The following COQ8A variants were observed in gnomAD, a reference collection of about 807,000 sequenced individuals.
COQ8A encodes coenzyme Q8A.
A neutral mutation model predicts 65.0 loss-of-function variants in COQ8A; 51 were observed. The ratio of observed to expected loss-of-function variants is 0.78; its 90% confidence interval spans 0.63 to 0.99. COQ8A has a LOEUF of 0.99. Ranked by LOEUF, COQ8A falls within the 50% of genes least tolerant of loss-of-function variation. The pLI, the probability that COQ8A is intolerant of heterozygous loss-of-function variation, is 0.00. For synonymous variants in COQ8A, 371 were observed against 353.2 expected, an observed-to-expected ratio of 1.05 and a Z score of -0.57; for missense variants, 940 against 875.0, an observed-to-expected ratio of 1.07 and a Z score of -0.94.
chr1:226,985,073 T>G (rs996031596), intron 13 of COQ8A, 132 bp downstream of exon 13: 1 of 1,337,832 alleles, frequency 7.5e-7, no homozygotes, highest in Non-Finnish European at 1.1e-6. Context: ...GCCCCTCAGG[T>G]CTGGTGACAG....
At chr1:226,948,609 A>G (rs1410173055) in intron 1 of COQ8A, among the ~76,000 whole-genome samples, 1 of 151,398 alleles carries the variant, frequency 6.6e-6, no homozygotes, top group Middle Eastern at 3.2e-3. Context: ...AGGATCCTTA[A>G]TTACCTTCCT....
intron 5 of COQ8A, among the ~76,000 whole-genome samples, chr1:226,979,325 C>T (rs1261596131): frequency 1.3e-5 from 2 of 152,220 alleles, no homozygotes; most frequent in African/African-American, 4.8e-5. Flanking sequence ...CTGCCGCCTT[C>T]TGCCTGTGAA....
At position 226,940,322 on chromosome 1, in the gene COQ8A, CAGCGCGGTGG is replaced by C. The variant is rs1480753573; in HGVS notation, c.-86_-77del. The C allele has an allele frequency of 1.3e-5, 2 of 152,454 alleles. No homozygotes were observed. 9.4% of individuals were successfully genotyped at this position (152,454 alleles called of 1,614,324 possible). A position where few individuals can be genotyped will look rare whatever the true frequency, so the allele number is the denominator to read the frequency against. Reference sequence around the variant, plus strand: ...CAGATCCGGAGCGCGTGGCGGGCGTCAGCGCGGTGGCCAGCGCGCAGAGGCGGGCGCGGAG... The same window carrying C: ...CAGATCCGGAGCGCGTGGCGGGCGTCCCAGCGCGCAGAGGCGGGCGCGGAG... On this transcript the variant is annotated 5_prime_UTR_variant, in exon 1 of 15. Coordinates refer to ENST00000366777, the MANE Select transcript of COQ8A (RefSeq NM_020247.5).
In COQ8A at chr1:226,984,211, G is replaced by A; in HGVS notation, c.1374G>A (p.Gly458=). Residue 458 remains glycine, a synonymous_variant, in exon 11 of 15, where the codon GGG becomes GGA. Transcript: ENST00000366777. ...VSGFPLDQAE[G]LSQEIRNEIC... ...GCTTCCCCCTGGACCAGGCCGAAGG[G>A]CTCAGCCAGGAGATTCGGAACGAGG... 6.2e-7 allele frequency: 1 copy of A among 1,613,764 alleles called. No homozygotes were observed. The highest frequency in any genetic ancestry group is 8.5e-7 in the Non-Finnish European group (1 of 1,179,990).
At chr1:226,947,693 T>G (rs895122161) in intron 1 of COQ8A, among the ~76,000 whole-genome samples, 1 of 151,984 alleles carries the variant, frequency 6.6e-6, no homozygotes, top group Non-Finnish European at 1.5e-5. Context: ...CCTGTAGTCC[T>G]AGCTACTCAG....
chr1:226,987,147 GTGTA>G lies in COQ8A; in HGVS notation c.*414_*417del. 1 of 234,164 alleles carries G rather than the reference GTGTA, an allele frequency of 4.3e-6. No individual in the cohort carries two copies. The highest frequency in any genetic ancestry group is 1.7e-3 in the Middle Eastern group (1 of 590). 14.5% of individuals were successfully genotyped at this position (234,164 alleles called of 1,614,324 possible). ...ATTTTATCATCTGTGTAGTAGGTGTGTGTATGTGTTTCTAGAGTGAGATTTGTGT... is the reference window on the plus strand; with the variant it reads ...ATTTTATCATCTGTGTAGTAGGTGTGTGTGTTTCTAGAGTGAGATTTGTGT... On this transcript the variant is annotated 3_prime_UTR_variant, in exon 15 of 15. Coordinates refer to ENST00000366777, the MANE Select transcript of COQ8A (RefSeq NM_020247.5).
At chr1:226,979,776 C>T (rs969828517) in intron 5 of COQ8A, among the ~76,000 whole-genome samples, 2 of 152,210 alleles carry the variant, frequency 1.3e-5, no homozygotes, top group African/African-American at 2.4e-5. Flanking sequence ...GCGGCATGCA[C>T]GTCCTTGGAA....
intron 2 of COQ8A, among the ~76,000 whole-genome samples, chr1:226,963,785 A>G (rs1384882794): frequency 6.6e-6 from 1 of 152,046 alleles, no homozygotes; most frequent in Non-Finnish European, 1.5e-5. Context: ...TTGTATTTTT[A>G]GTAGAGATGG....
intron 1 of COQ8A, among the ~76,000 whole-genome samples, chr1:226,959,475 G>T (rs1490368013): frequency 2.0e-5 from 3 of 152,162 alleles, no homozygotes; most frequent in South Asian, 2.1e-4. Context: ...ACTTTGCATG[G>T]TAAGGGGAGG....
intron 5 of COQ8A, among the ~76,000 whole-genome samples, chr1:226,978,860 C>G (rs1183416135): frequency 8.0e-6 from 1 of 125,502 alleles, no homozygotes; most frequent in East Asian, 2.3e-4. Context: ...TACCTGCACA[C>G]CACCTTACAC....
intron 1 of COQ8A, among the ~76,000 whole-genome samples, chr1:226,944,420 T>C (rs1656873334): frequency 1.3e-5 from 2 of 151,476 alleles, no homozygotes; most frequent in East Asian, 1.9e-4. Flanking sequence ...GCTTTTATGA[T>C]TGAAGGCAAA....
chr1:226,976,995 A>C (rs1032484652), intron 4 of COQ8A, among the ~76,000 whole-genome samples: 10 of 152,150 alleles, frequency 6.6e-5, no homozygotes, highest in Non-Finnish European at 1.5e-4. Context: ...GTTCCAGTGA[A>C]TTAGGGAAGT....
intron 1 of COQ8A, among the ~76,000 whole-genome samples, chr1:226,953,593 G>C (rs1375134664): frequency 6.6e-6 from 1 of 152,186 alleles, no homozygotes; most frequent in Non-Finnish European, 1.5e-5. Flanking sequence ...CTGGGCTCCC[G>C]CTGTGAAGGT....
chr1:226,984,116 T>G lies in COQ8A; in HGVS notation c.1279T>G (p.Phe427Val). The change falls in exon 11 of 15, where the codon TTC (phenylalanine) becomes GTC (valine). Residue 427 changes from phenylalanine (F) to valine (V), a missense_variant. Coordinates refer to ENST00000366777, the MANE Select transcript of COQ8A (RefSeq NM_020247.5). ...KFRDLLKGHP[F>V]FYVPEIVDEL... is the part of the protein sequence containing the mutation. ...CAGGGACCTGCTGAAGGGCCACCCC[T>G]TCTTCTATGTGCCTGAGATTGTGGA... 1 of 1,613,686 alleles carries G rather than the reference T, an allele frequency of 6.2e-7. No homozygotes were observed. Among genetic ancestry groups the G allele is most frequent in the South Asian group, 1.1e-5 (1 of 91,084 alleles).
At chr1:226,965,560 C>A in intron 3 of COQ8A, 111 bp from the exon 4 acceptor site, 1 of 1,499,354 alleles carries the variant, frequency 6.7e-7, no homozygotes, top group East Asian at 2.3e-5. Flanking sequence ...TGCTGTCAGG[C>A]GGAGCTGCTG....
At chr1:226,965,802 C>T in intron 4 of COQ8A, 65 bp downstream of exon 4, 1 of 1,550,594 alleles carries the variant, frequency 6.4e-7, no homozygotes, top group Non-Finnish European at 8.9e-7. Flanking sequence ...CTGCGGCCTG[C>T]ATGGAGGTGG....
In COQ8A at chr1:226,949,243, C is replaced by A. The variant is rs1283422583; in HGVS notation, c.-10+8844C>A. Among the ~76,000 whole-genome samples, 2 of 151,932 alleles carry A rather than the reference C, an allele frequency of 1.3e-5. No homozygotes were observed. Among genetic ancestry groups the A allele is most frequent in the East Asian group, 3.9e-4 (2 of 5,164 alleles). ...GGCCTGATTTCGATGCCTGGGACTT[C>A]AGGCGCAGGAGTTTGGGTTTTATAT... On this transcript the variant is annotated intron_variant, in intron 1 of 14. Transcript: ENST00000366777. This position sits in a 1 kb window ranked among gnomAD's most constrained non-coding sequence, Gnocchi z 4.0.
At chr1:226,977,710 G>A (rs1659327608) in intron 5 of COQ8A, among the ~76,000 whole-genome samples, 187 bp downstream of exon 5, 1 of 152,096 alleles carries the variant, frequency 6.6e-6, no homozygotes, top group Non-Finnish European at 1.5e-5. Flanking sequence ...CTTTAGAGGG[G>A]GTGAGGCTGG....
chr1:226,970,706 G>A (rs1658851660), intron 4 of COQ8A, among the ~76,000 whole-genome samples: 1 of 152,086 alleles, frequency 6.6e-6, no homozygotes, highest in African/African-American at 2.4e-5. Context: ...CTCCAATGAT[G>A]CTAATACCTT....
Sources: gnomAD v4.1 joint callset for allele counts (sites outside exome capture counted in the v4.1 genomes callset) on GRCh38, gnomAD v4.1.1 for gene constraint, Gnocchi (gnomAD v3.1) non-coding constraint, MANE v1.5 for transcripts, NCBI Gene and HGNC (gene_info 2026-07-23, HGNC 2026-07-21) for gene names.